Variants in KIF13B observed in about 807,000 individuals in gnomAD.
The protein encoded by KIF13B is kinesin family member 13B.
A neutral mutation model predicts 222.0 loss-of-function variants in KIF13B; 127 were observed. The observed-to-expected ratio is 0.57, with a 90% CI of 0.50 to 0.66. The LOEUF (loss-of-function observed/expected upper bound fraction) is 0.66, where lower values mean the gene tolerates loss of function less well. Among genes scored for constraint, KIF13B ranks in the 30% least tolerant of loss-of-function variants. The pLI is 0.00. For synonymous variants in KIF13B, 976 were observed against 919.0 expected (o/e 1.06, Z -1.12); for missense variants, 2,173 against 2,379.0 (o/e 0.91, Z 1.80).
chr8:29,180,301 C>A (rs1812658826), intron 7 of KIF13B, 63 bp from the exon 8 acceptor site: 1 of 1,518,252 alleles, frequency 6.6e-7, no homozygotes. Context: ...TAAAATCCTG[C>A]TATACTACAA....
chr8:29,182,188 T>A (rs1472724380), intron 6 of KIF13B, among the ~76,000 whole-genome samples, 182 bp from the exon 7 acceptor site: 1 of 152,254 alleles, frequency 6.6e-6, no homozygotes, highest in African/African-American at 2.4e-5. Context: ...GAAAACTTCA[T>A]AATGTGATTA....
rs769816811 is a variant in KIF13B at position 29,070,672 on chromosome 8, C to T, written c.5313G>A (p.Thr1771=). 21 of 1,561,150 alleles carry T rather than the reference C, an allele frequency of 1.3e-5. No homozygotes were observed. Among genetic ancestry groups the T allele is most frequent in the African/African-American group, 6.8e-5 (5 of 73,522 alleles). Residue 1771 remains threonine, a synonymous_variant, in exon 40 of 40, where the codon ACG becomes ACA. Coordinates refer to ENST00000524189, the MANE Select transcript of KIF13B (RefSeq NM_015254.4). This position sits in a 1 kb window ranked among gnomAD's most constrained non-coding sequence, Gnocchi z 4.1. ...LVRPSRVRRA[T]GPVRRRSTGL... is the part of the protein sequence containing the mutation. ...CTGTGCTGCGCCGCCGCACAGGGCC[C>T]GTGGCCCTGCGGACCCGGCTGGGCC...
At chr8:29,250,754 C>G (rs1007387624) in intron 1 of KIF13B, among the ~76,000 whole-genome samples, 5 of 152,086 alleles carry the variant, frequency 3.3e-5, no homozygotes, top group African/African-American at 1.2e-4. Context: ...CAAATAAAGG[C>G]AGTGAGATCT....
At position 29,147,612 on chromosome 8, in the gene KIF13B, T is replaced by G. The variant is rs777643391; in HGVS notation, c.1814-10A>C. On this transcript the variant is annotated splice_polypyrimidine_tract_variant and intron_variant, in intron 16 of 39. Transcript: ENST00000524189. ...ATGGACTGCATCGGATCTAAACACA[T>G]TTTTAAAAAAGATACATGATCGAGA... is the stretch of plus-strand genomic sequence containing the variant. 2 of 1,583,462 alleles carry G rather than the reference T, an allele frequency of 1.3e-6. No individual in the cohort carries two copies. The highest frequency in any genetic ancestry group is 1.7e-6 in the Non-Finnish European group (2 of 1,156,222).
At chr8:29,258,854 CACAGGCATTTTCTTTTCAAGCCCATG>C (rs1586998915) in intron 1 of KIF13B, among the ~76,000 whole-genome samples, 1 of 152,186 alleles carries the variant, frequency 6.6e-6, no homozygotes, top group Non-Finnish European at 1.5e-5. Flanking sequence ...CTAATCTTTT[CACAGGCATTTTCTTTTCAAGCCCATG>C]ACAGTCATTT....
intron 7 of KIF13B, among the ~76,000 whole-genome samples, chr8:29,180,748 C>T (rs1201848994): frequency 6.6e-6 from 1 of 151,962 alleles, no homozygotes; most frequent in Non-Finnish European, 1.5e-5. Flanking sequence ...TGATTTACCA[C>T]TTGGTTGCTA....
intron 3 of KIF13B, among the ~76,000 whole-genome samples, chr8:29,193,931 C>T (rs1220253894): frequency 2.0e-5 from 3 of 152,058 alleles, no homozygotes; most frequent in Admixed American, 2.0e-4. Flanking sequence ...CATTCTCCTG[C>T]CTCAGCCTCC....
chr8:29,140,315 G>C, intron 20 of KIF13B, 124 bp from the exon 21 acceptor site: 1 of 1,413,508 alleles, frequency 7.1e-7, no homozygotes, highest in East Asian at 2.4e-5. Flanking sequence ...TAGAGGCCTA[G>C]TCTCTGACAG....
At chr8:29,173,329 T>G (rs953567698) in intron 10 of KIF13B, among the ~76,000 whole-genome samples, 8 of 152,094 alleles carry the variant, frequency 5.3e-5, no homozygotes, top group African/African-American at 1.9e-4. Flanking sequence ...CTTATCAAGA[T>G]TTCTTCTACA....
intron 36 of KIF13B, among the ~76,000 whole-genome samples, chr8:29,098,529 G>A (rs1224459161): frequency 6.6e-6 from 1 of 151,512 alleles, no homozygotes; most frequent in South Asian, 2.1e-4. Flanking sequence ...CTTGAACCTG[G>A]GAGGGGCAGG....
chr8:29,240,032 A>G lies in KIF13B; in HGVS notation c.149+5314T>C, dbSNP rs1414714272. Among the ~76,000 whole-genome samples, 10 of 151,128 alleles carry G rather than the reference A, an allele frequency of 6.6e-5. No individual in the cohort carries two copies. In the East Asian group the frequency reaches 9.7e-4, roughly 15 times the overall value. On this transcript the variant is annotated intron_variant, in intron 2 of 39. Coordinates refer to ENST00000524189, the MANE Select transcript of KIF13B (RefSeq NM_015254.4). ...TAAAAGAAAAAAAAAAGAAACACAA[A>G]AGAGGAAAAAAAAAAAAAGAAAGAA...
At chr8:29,151,908 A>T (rs973195712) in intron 14 of KIF13B, among the ~76,000 whole-genome samples, 2 of 152,202 alleles carry the variant, frequency 1.3e-5, no homozygotes, top group South Asian at 4.1e-4. Flanking sequence ...TGATTCTTCT[A>T]ATGGATCTTG....
At chr8:29,099,937 A>G (rs1808714492) in intron 35 of KIF13B, among the ~76,000 whole-genome samples, 1 of 152,080 alleles carries the variant, frequency 6.6e-6, no homozygotes, top group Non-Finnish European at 1.5e-5. Flanking sequence ...TCAGTTCTCC[A>G]CAGAAACCCA....
chr8:29,257,666 A>G (rs1816535167), intron 1 of KIF13B, among the ~76,000 whole-genome samples: 1 of 152,150 alleles, frequency 6.6e-6, no homozygotes, highest in Non-Finnish European at 1.5e-5. Context: ...AATTAGACAG[A>G]CATGGTTGTG....
chr8:29,156,575 C>T (rs190890579), intron 13 of KIF13B, among the ~76,000 whole-genome samples: 3 of 152,024 alleles, frequency 2.0e-5, no homozygotes, highest in Admixed American at 2.0e-4. Context: ...AGTGCAGAGA[C>T]ACTATCCATG....
intron 2 of KIF13B, among the ~76,000 whole-genome samples, chr8:29,224,497 A>G (rs1814925460): frequency 6.6e-6 from 1 of 152,250 alleles, no homozygotes; most frequent in Non-Finnish European, 1.5e-5. Context: ...TGTAACAATG[A>G]GAATGTGATA....
intron 2 of KIF13B, among the ~76,000 whole-genome samples, chr8:29,216,531 A>G (rs369464465): frequency 1.5e-3 from 225 of 152,200 alleles, no homozygotes; most frequent in African/African-American, 5.3e-3. Flanking sequence ...CCTGGGAGTA[A>G]AAGGTTGCAG....
chr8:29,160,725 T>C lies in KIF13B; in HGVS notation c.1404+8A>G. The C allele has an allele frequency of 5.0e-6, 8 of 1,610,002 alleles. No individual in the cohort carries two copies. The highest frequency in any genetic ancestry group is 6.8e-6 in the Non-Finnish European group (8 of 1,178,138). On this transcript the variant is annotated splice_region_variant and intron_variant, in intron 13 of 39. Coordinates refer to ENST00000524189, the MANE Select transcript of KIF13B (RefSeq NM_015254.4). ...ACAAGAATCTAGTAGCAAAGCACAT[T>C]ACTTCACCTTTAAATAGTACACCAG...
chr8:29,138,869 C>T (rs758610473), intron 21 of KIF13B, among the ~76,000 whole-genome samples: 1 of 152,102 alleles, frequency 6.6e-6, no homozygotes, highest in Non-Finnish European at 1.5e-5. Flanking sequence ...GACATACCAA[C>T]CAAGACAATT....
Sources: gnomAD v4.1 joint callset for allele counts (sites outside exome capture counted in the v4.1 genomes callset) on GRCh38, gnomAD v4.1.1 for gene constraint, Gnocchi (gnomAD v3.1) non-coding constraint, MANE v1.5 for transcripts, NCBI Gene and HGNC (gene_info 2026-07-23, HGNC 2026-07-21) for gene names.